Variants in DSCAM observed in about 807,000 individuals in gnomAD.
The protein encoded by DSCAM is cell adhesion molecule DSCAM.
DSCAM carries 47 observed loss-of-function variants against 217.7 expected under a neutral mutation model. That is an observed-to-expected ratio of 0.22 (90% confidence interval 0.17 to 0.28). DSCAM has a LOEUF of 0.28. DSCAM is among the 10% of genes least tolerant of loss of function. DSCAM has a pLI of 1.00. For synonymous variants in DSCAM, 1,056 were observed against 1,015.3 expected (o/e 1.04, Z -0.76); for missense variants, 2,080 against 2,618.3 (o/e 0.79, Z 4.49).
chr21:40,225,590 C>A (rs905983009), intron 11 of DSCAM, among the ~76,000 whole-genome samples: 4 of 152,124 alleles, frequency 2.6e-5, no homozygotes, highest in African/African-American at 4.8e-5. Context: ...GATCCCTCAT[C>A]CAGGAGGTTG....
At chr21:40,566,322 A>G (rs954046740) in intron 3 of DSCAM, among the ~76,000 whole-genome samples, 3 of 152,280 alleles carry the variant, frequency 2.0e-5, no homozygotes, top group East Asian at 1.9e-4. Context: ...CAGAGAAGAC[A>G]AGACACTGAA....
chr21:40,551,666 AT>A (rs1285912078), intron 3 of DSCAM, among the ~76,000 whole-genome samples: 1 of 152,178 alleles, frequency 6.6e-6, no homozygotes. Context: ...AAGGAAAGAT[AT>A]TTTGGGGTAA....
intron 3 of DSCAM, among the ~76,000 whole-genome samples, chr21:40,444,865 T>G (rs1463523840): frequency 6.6e-6 from 1 of 152,224 alleles, no homozygotes; most frequent in African/African-American, 2.4e-5. Context: ...ATTCCCTACA[T>G]GTGCCTCACT....
At chr21:40,356,309 TCACATACACA>T (rs1464103608) in intron 4 of DSCAM, among the ~76,000 whole-genome samples, 2 of 151,684 alleles carry the variant, frequency 1.3e-5, no homozygotes, top group Non-Finnish European at 2.9e-5. Context: ...AACATTGTCA[TCACATACACA>T]CACATACATA....
intron 15 of DSCAM, among the ~76,000 whole-genome samples, chr21:40,168,025 C>T (rs143241174): frequency 2.8e-3 from 433 of 152,312 alleles, no homozygotes; most frequent in African/African-American, 9.9e-3. Flanking sequence ...TGCGCCACTG[C>T]ACTCCAGCCT....
chr21:40,310,724 G>T (rs1290346958), intron 9 of DSCAM, among the ~76,000 whole-genome samples: 3 of 152,150 alleles, frequency 2.0e-5, no homozygotes, highest in East Asian at 1.9e-4. Context: ...GTACTATTTT[G>T]CCCTTCACAA....
chr21:40,118,753 T>A (rs1469919422), intron 20 of DSCAM, among the ~76,000 whole-genome samples: 1 of 152,210 alleles, frequency 6.6e-6, no homozygotes, highest in Non-Finnish European at 1.5e-5. Context: ...AGCAACCATC[T>A]CTGGCCGTAT....
chr21:40,758,268 A>T (rs753659344), intron 1 of DSCAM, among the ~76,000 whole-genome samples: 2 of 152,186 alleles, frequency 1.3e-5, no homozygotes, highest in Non-Finnish European at 2.9e-5. Context: ...TAGGCCACCC[A>T]ATGTGTGGCA....
intron 1 of DSCAM, among the ~76,000 whole-genome samples, chr21:40,782,643 T>A (rs1000663378): frequency 3.3e-5 from 5 of 152,006 alleles, no homozygotes; most frequent in Non-Finnish European, 7.4e-5. Flanking sequence ...AGTGGAAGGA[T>A]CATTTGAGTA....
chr21:40,713,637 C>T (rs2090807450), intron 1 of DSCAM, among the ~76,000 whole-genome samples: 3 of 152,246 alleles, frequency 2.0e-5, no homozygotes, highest in South Asian at 2.1e-4. Flanking sequence ...AGAAAGAAAA[C>T]TTCATTAGGA....
At chr21:40,424,969 G>A (rs1409937896) in intron 3 of DSCAM, among the ~76,000 whole-genome samples, 2 of 151,992 alleles carry the variant, frequency 1.3e-5, no homozygotes, top group Admixed American at 6.6e-5. Context: ...ATGGGGATGG[G>A]TGCCTGTAAT....
Position 40,012,983 on chromosome 21 carries a change from G to T in DSCAM, c.*51C>A. The T allele has an allele frequency of 1.6e-6, 2 of 1,254,398 alleles. No homozygotes were observed. The highest frequency in any genetic ancestry group is 3.0e-5 in the South Asian group (1 of 32,922). The allele number at this position is 1,254,398 out of a possible 1,614,324, so 77.7% of individuals were successfully genotyped here. A position where few individuals can be genotyped will look rare whatever the true frequency, so the allele number is the denominator to read the frequency against. Reference sequence around the variant, plus strand: ...AATTCCGTAAAAAAAAGGTAGCTTTGATTGAATTGTTTGAATTGTATTTAC... The same window carrying T: ...AATTCCGTAAAAAAAAGGTAGCTTTTATTGAATTGTTTGAATTGTATTTAC... On this transcript the variant is annotated 3_prime_UTR_variant, in exon 33 of 33. Coordinates refer to ENST00000400454, the MANE Select transcript of DSCAM (RefSeq NM_001389.5).
intron 24 of DSCAM, among the ~76,000 whole-genome samples, chr21:40,081,827 GCTGGGT>G (rs984813290): frequency 1.3e-5 from 2 of 152,146 alleles, no homozygotes; most frequent in African/African-American, 4.8e-5. Context: ...TTTCAGGAAT[GCTGGGT>G]TACCTTTGTC....
intron 1 of DSCAM, among the ~76,000 whole-genome samples, chr21:40,756,686 G>T (rs750051598): frequency 6.6e-6 from 1 of 151,784 alleles, no homozygotes; most frequent in African/African-American, 2.4e-5. Context: ...GCCACCACGC[G>T]CAGCCCAGGC....
chr21:40,699,454 A>T (rs542758197), intron 2 of DSCAM, among the ~76,000 whole-genome samples: 1 of 152,370 alleles, frequency 6.6e-6, no homozygotes, highest in East Asian at 1.9e-4. Flanking sequence ...AAACTTAGTG[A>T]TGAAGGCATA....
rs1227940885 is a variant in DSCAM, at chr21:40,075,290, A to C, written c.4712-77T>G. On this transcript the variant is annotated intron_variant, in intron 26 of 32. Coordinates refer to ENST00000400454, the MANE Select transcript of DSCAM (RefSeq NM_001389.5). ...GAGCTTTTAGGGATGACAGGTTATA[A>C]AAATCGCGCTGTGTGATCCAAGGGT... 2.0e-6 allele frequency: 3 copies of C among 1,506,924 alleles called. No individual in the cohort carries two copies. In the African/African-American group the frequency reaches 4.1e-5, roughly 21 times the overall value. 93.3% of individuals were successfully genotyped at this position (1,506,924 alleles called of 1,614,324 possible).
intron 27 of DSCAM, among the ~76,000 whole-genome samples, chr21:40,065,912 G>T (rs1212470054): frequency 6.6e-6 from 1 of 152,186 alleles, no homozygotes; most frequent in Non-Finnish European, 1.5e-5. Context: ...CTTCCGTGCT[G>T]GTCCAAGCTG....
At chr21:40,577,686 G>A (rs528228881) in intron 3 of DSCAM, among the ~76,000 whole-genome samples, 3 of 152,194 alleles carry the variant, frequency 2.0e-5, no homozygotes, top group Admixed American at 6.5e-5. Flanking sequence ...TTTATACTTT[G>A]GTTTAGAAAG....
At chr21:40,054,685 T>C (rs994523879) in intron 29 of DSCAM, among the ~76,000 whole-genome samples, 5 of 152,154 alleles carry the variant, frequency 3.3e-5, no homozygotes, top group South Asian at 4.1e-4. Flanking sequence ...CTCAAAAGCT[T>C]GGATAACTTC....
Sources: gnomAD v4.1 joint callset for allele counts (sites outside exome capture counted in the v4.1 genomes callset) on GRCh38, gnomAD v4.1.1 for gene constraint, MANE v1.5 for transcripts, NCBI Gene and HGNC (gene_info 2026-07-23, HGNC 2026-07-21) for gene names.